Variants in MGMT observed in about 807,000 individuals in gnomAD.
MGMT encodes the protein O-6-methylguanine-DNA methyltransferase.
In MGMT, 14 loss-of-function variants were observed where a neutral mutation model predicts 15.9. The observed-to-expected ratio is 0.88, with a 90% confidence interval of 0.58 to 1.37. MGMT has a LOEUF of 1.37. Among genes scored for constraint, MGMT ranks in the 40% most tolerant of loss-of-function variants. MGMT has a pLI of 0.00. For synonymous variants in MGMT, 130 were observed against 118.2 expected (o/e 1.10, Z -0.65); for missense variants, 282 against 268.1 (o/e 1.05, Z -0.36).
At chr10:129,586,954 A>C (rs748534432) in intron 2 of MGMT, among the ~76,000 whole-genome samples, 17 of 152,180 alleles carry the variant, frequency 1.1e-4, no homozygotes, top group Non-Finnish European at 1.9e-4. Context: ...ACTGTCTTTT[A>C]GTGTTTTTAA....
chr10:129,623,535 A>G (rs759068155), intron 2 of MGMT, among the ~76,000 whole-genome samples: 19 of 152,158 alleles, frequency 1.2e-4, no homozygotes, highest in Non-Finnish European at 2.5e-4. Flanking sequence ...AAGTATATAT[A>G]TATGTATGTA....
chr10:129,637,323 G>A (rs538844350), intron 2 of MGMT, among the ~76,000 whole-genome samples: 6 of 151,330 alleles, frequency 4.0e-5, no homozygotes, highest in Non-Finnish European at 8.9e-5. Flanking sequence ...TCAAAGCCAA[G>A]GCCCTCTTGT....
chr10:129,524,582 CTTTTTTTTTTTT>C (rs66701664), intron 1 of MGMT, among the ~76,000 whole-genome samples: 6 of 68,058 alleles, frequency 8.8e-5, no homozygotes, highest in Admixed American at 7.3e-4. Context: ...TCCAAAAAGA[CTTTTTTTTTTTT>C]TTTTTTTTTT....
At chr10:129,658,417 C>T (rs897828979) in intron 2 of MGMT, among the ~76,000 whole-genome samples, 4 of 152,220 alleles carry the variant, frequency 2.6e-5, no homozygotes, top group South Asian at 2.1e-4. Context: ...CCTCAGAGCA[C>T]GCCTGGTATG....
chr10:129,524,958 A>G (rs1319003165), intron 1 of MGMT, among the ~76,000 whole-genome samples: 2 of 152,294 alleles, frequency 1.3e-5, no homozygotes, highest in South Asian at 2.1e-4. Context: ...AGTTAGAGCT[A>G]GAGTTGGTTT....
At chr10:129,727,224 C>T (rs877185) in intron 3 of MGMT, among the ~76,000 whole-genome samples, 8,015 of 152,188 alleles carry the variant, frequency 0.053, 488 homozygotes, top group African/African-American at 0.15. Context: ...TGATGGTGTG[C>T]GACTTCCGAG....
intron 2 of MGMT, among the ~76,000 whole-genome samples, chr10:129,685,024 T>G (rs527909750): frequency 6.6e-6 from 1 of 152,186 alleles, no homozygotes; most frequent in Non-Finnish European, 1.5e-5. Flanking sequence ...GGGAAAAGCT[T>G]TTGAGTGCCT....
At chr10:129,544,666 ACCCCTGC>A (rs56291680) in intron 2 of MGMT, among the ~76,000 whole-genome samples, 2 of 151,780 alleles carry the variant, frequency 1.3e-5, no homozygotes, top group Non-Finnish European at 2.9e-5. Flanking sequence ...GGCCCTGTGG[ACCCCTGC>A]CCCCGGCCCC....
chr10:129,662,386 A>T (rs1471740652), intron 2 of MGMT, among the ~76,000 whole-genome samples: 1 of 152,202 alleles, frequency 6.6e-6, no homozygotes, highest in Non-Finnish European at 1.5e-5. Context: ...TTTCCGTTTT[A>T]ACACTGGGAA....
At chr10:129,729,458 C>G (rs530049042) in intron 3 of MGMT, among the ~76,000 whole-genome samples, 1 of 152,320 alleles carries the variant, frequency 6.6e-6, no homozygotes, top group Admixed American at 6.5e-5. Flanking sequence ...ACCTGCGTGC[C>G]TCTCGTCCTC....
intron 1 of MGMT, among the ~76,000 whole-genome samples, chr10:129,492,842 G>C (rs949503448): frequency 1.7e-4 from 26 of 152,134 alleles, no homozygotes; most frequent in Admixed American, 4.6e-4. Context: ...CCATTAGTTC[G>C]TTTTGCTTGG....
At chr10:129,702,767 CG>C (rs1848114451) in intron 2 of MGMT, among the ~76,000 whole-genome samples, 1 of 152,172 alleles carries the variant, frequency 6.6e-6, no homozygotes, top group Admixed American at 6.5e-5. Context: ...ACCACAGGGC[CG>C]GCATTTCAGT....
chr10:129,488,781 A>G (rs946299472), intron 1 of MGMT, among the ~76,000 whole-genome samples: 3 of 152,150 alleles, frequency 2.0e-5, no homozygotes, highest in Non-Finnish European at 4.4e-5. Flanking sequence ...AATATGAATA[A>G]TCAGTGGCTC....
chr10:129,632,954 C>G (rs1589905022), intron 2 of MGMT, among the ~76,000 whole-genome samples: 2 of 152,072 alleles, frequency 1.3e-5, no homozygotes, highest in Admixed American at 1.3e-4. Flanking sequence ...AAAATATTTT[C>G]TGGACAAAAA....
intron 2 of MGMT, among the ~76,000 whole-genome samples, chr10:129,550,595 C>T (rs551620129): frequency 1.5e-4 from 23 of 152,102 alleles, no homozygotes; most frequent in South Asian, 4.2e-4. Flanking sequence ...TACAGGTGCA[C>T]GCCACCACGC....
chr10:129,573,165 A>G (rs1846439589), intron 2 of MGMT, among the ~76,000 whole-genome samples: 1 of 151,880 alleles, frequency 6.6e-6, no homozygotes, highest in Non-Finnish European at 1.5e-5. Context: ...CTGTTGGGTT[A>G]TTTTGTCTTT....
chr10:129,744,220 C>G (rs1255100288), intron 3 of MGMT, among the ~76,000 whole-genome samples: 1 of 152,160 alleles, frequency 6.6e-6, no homozygotes, highest in Admixed American at 6.5e-5. Flanking sequence ...TGGCTCCTGG[C>G]AAGCCCAGAG....
chr10:129,649,295 G>A (rs904397491), intron 2 of MGMT, among the ~76,000 whole-genome samples: 1 of 152,080 alleles, frequency 6.6e-6, no homozygotes, highest in African/African-American at 2.4e-5. Flanking sequence ...GGCTTTAGCT[G>A]GACCACTTTT....
intron 1 of MGMT, among the ~76,000 whole-genome samples, chr10:129,529,335 T>TG (rs1228167790): frequency 1.3e-5 from 2 of 151,496 alleles, no homozygotes; most frequent in Non-Finnish European, 2.9e-5. Context: ...CAGATGGGAG[T>TG]GGGGGGATGG....
Sources: allele counts gnomAD v4.1 joint callset (sites outside exome capture counted in the v4.1 genomes callset), GRCh38; gene constraint gnomAD v4.1.1; transcripts MANE v1.5; gene names NCBI Gene and HGNC (gene_info 2026-07-23, HGNC 2026-07-21).